Variants in VWDE observed in about 807,000 individuals in gnomAD.
VWDE encodes the protein von Willebrand factor D and EGF domains.
VWDE carries 207 observed loss-of-function variants against 178.4 expected under a neutral mutation model. The ratio of observed to expected loss-of-function variants is 1.16; its 90% CI spans 1.04 to 1.30. The LOEUF is 1.30. Among genes scored for constraint, VWDE ranks in the 50% most tolerant of loss-of-function variants. The pLI is 0.00. For synonymous variants in VWDE, 738 were observed against 651.4 expected (o/e 1.13, Z -2.02); for missense variants, 2,287 against 1,901.3 (o/e 1.20, Z -3.77).
At chr7:12,372,921 T>C in intron 10 of VWDE, 56 bp downstream of exon 10, 1 of 1,479,514 alleles carries the variant, frequency 6.8e-7, no homozygotes, top group Non-Finnish European at 9.1e-7. Context: ...AATAGAGATG[T>C]TTATCTGAAA....
At chr7:12,367,546 A>T (rs532060276) in intron 12 of VWDE, 53 bp from the exon 13 acceptor site, 2 of 1,374,216 alleles carry the variant, frequency 1.5e-6, no homozygotes, top group Middle Eastern at 2.1e-4. Flanking sequence ...TTTCAGAAAA[A>T]AAAACTAATT....
chr7:12,351,847 C>A (rs760005831), intron 18 of VWDE, 134 bp from the exon 19 acceptor site: 27 of 737,592 alleles, frequency 3.7e-5, no homozygotes, highest in Non-Finnish European at 5.1e-5. Context: ...ACTTAAATGT[C>A]ATCTCTTCTG....
chr7:12,403,183 A>T (rs1784992272), intron 1 of VWDE, among the ~76,000 whole-genome samples: 1 of 152,210 alleles, frequency 6.6e-6, no homozygotes. Context: ...CGGATATACA[A>T]AACTTAACTT....
intron 9 of VWDE, 40 bp downstream of exon 9, chr7:12,374,648 GC>G (rs774846311): frequency 2.1e-5 from 29 of 1,357,406 alleles, no homozygotes; most frequent in Middle Eastern, 1.8e-4. Flanking sequence ...CAAAATCAAA[GC>G]AAACAAAACT....
At chr7:12,390,661 A>C (rs191791417) in intron 2 of VWDE, among the ~76,000 whole-genome samples, 21 of 151,966 alleles carry the variant, frequency 1.4e-4, no homozygotes, top group African/African-American at 3.9e-4. Context: ...ACCATGTAAT[A>C]TTATCCATTT....
chr7:12,343,252 C>G, intron 21 of VWDE, 74 bp from the exon 22 acceptor site: 1 of 1,080,906 alleles, frequency 9.3e-7, no homozygotes, highest in Non-Finnish European at 1.3e-6. Context: ...AAAGCACTGT[C>G]ACAATAAAAT....
chr7:12,378,415 T>G (rs918667393), intron 6 of VWDE, among the ~76,000 whole-genome samples: 1 of 152,208 alleles, frequency 6.6e-6, no homozygotes, highest in Non-Finnish European at 1.5e-5. Flanking sequence ...CAGCATCTGA[T>G]TTCCAGAGTT....
intron 4 of VWDE, 63 bp from the exon 5 acceptor site, chr7:12,380,796 A>T: frequency 6.6e-7 from 1 of 1,516,256 alleles, no homozygotes; most frequent in South Asian, 1.3e-5. Flanking sequence ...GCTTATGGAA[A>T]AAGCACTCAA....
chr7:12,396,626 T>G (rs536916612), intron 1 of VWDE, among the ~76,000 whole-genome samples: 1 of 152,146 alleles, frequency 6.6e-6, no homozygotes, highest in Non-Finnish European at 1.5e-5. Flanking sequence ...ATCCATTGTC[T>G]GCCAGATGTG....
intron 2 of VWDE, among the ~76,000 whole-genome samples, chr7:12,392,625 C>T (rs1022457490): frequency 6.6e-6 from 1 of 151,988 alleles, no homozygotes; most frequent in Non-Finnish European, 1.5e-5. Context: ...AGGGACAACC[C>T]AAGAAATCAC....
chr7:12,384,174 A>G (rs1254491663), intron 3 of VWDE, among the ~76,000 whole-genome samples: 1 of 152,180 alleles, frequency 6.6e-6, no homozygotes, highest in Non-Finnish European at 1.5e-5. Flanking sequence ...TCAGCCTTAA[A>G]AAGAATTGAG....
Position 12,356,300 on chromosome 7 carries a change from C to T in VWDE, c.3556G>A (p.Gly1186Ser), listed in dbSNP as rs1350817477. The T allele has an allele frequency of 2.6e-6, 4 of 1,551,184 alleles. No individual in the cohort carries two copies. The highest frequency in any genetic ancestry group is 3.5e-6 in the Non-Finnish European group (4 of 1,146,884). ...VTVKSCDCLNGGSCVSDRNFS... is the reference protein window; with the variant it reads ...VTVKSCDCLNSGSCVSDRNFS... Reference sequence around the variant, plus strand: ...TTCCTATCAGATACACATGATCCACCATTCAAGCAATCACAAGACTTCACA... The same window carrying T: ...TTCCTATCAGATACACATGATCCACTATTCAAGCAATCACAAGACTTCACA... Residue 1186 changes from glycine (G) to serine (S), a missense_variant, in exon 18 of 29, where the codon GGT becomes AGT. Gly to Ser is a moderately conservative substitution (Grantham distance 56, BLOSUM62 0). Transcript: ENST00000275358.
chr7:12,375,029 T>A lies in VWDE; in HGVS notation c.1223A>T (p.Tyr408Phe). 6.4e-7 allele frequency: 1 copy of A among 1,551,240 alleles called. No individual in the cohort carries two copies. Among genetic ancestry groups the A allele is most frequent in the Non-Finnish European group, 8.7e-7 (1 of 1,146,606 alleles). The change falls in exon 8 of 29, where the codon TAC (tyrosine) becomes TTC (phenylalanine). Residue 408 changes from tyrosine to phenylalanine, a missense_variant. Transcript: ENST00000275358. ...IVNEDFLWNN[Y>F]IPDSIQIKVK... The stretch of plus-strand genomic sequence containing the variant: ...GTCAACCTGGATGCTGTCTGGAATG[T>A]AGTTGTTCCACAGGAAATCCTCATT...
chr7:12,334,847 C>A (rs549691641), intron 27 of VWDE, among the ~76,000 whole-genome samples: 2 of 152,240 alleles, frequency 1.3e-5, no homozygotes, highest in Admixed American at 6.5e-5. Context: ...AGAACAAGCA[C>A]CCAAGTTGAG....
chr7:12,336,128 C>G lies in VWDE; in HGVS notation c.4654+13G>C. 6.5e-7 allele frequency: 1 copy of G among 1,547,202 alleles called. No homozygotes were observed. The highest frequency in any genetic ancestry group is 8.7e-7 in the Non-Finnish European group (1 of 1,144,284). On this transcript the variant is annotated intron_variant, in intron 27 of 28. Coordinates refer to ENST00000275358, the MANE Select transcript of VWDE (RefSeq NM_001135924.3). ...TCAGAACATATAGTAGGAAAAACAT[C>G]CTGTGGGCTTACGTATTTGACACCG... is the stretch of plus-strand genomic sequence containing the variant.
chr7:12,367,569 C>A, intron 12 of VWDE, 76 bp from the exon 13 acceptor site: 1 of 1,224,390 alleles, frequency 8.2e-7, no homozygotes, highest in Non-Finnish European at 1.1e-6. Flanking sequence ...TTCCAAGCCC[C>A]AAATTAAAAG....
chr7:12,398,045 C>T (rs928875318), intron 1 of VWDE, among the ~76,000 whole-genome samples: 3 of 152,140 alleles, frequency 2.0e-5, no homozygotes, highest in Non-Finnish European at 4.4e-5. Flanking sequence ...TTCAACCTAG[C>T]AATCCCATTA....
intron 19 of VWDE, among the ~76,000 whole-genome samples, chr7:12,345,665 A>T (rs6972689): frequency 1.3e-5 from 2 of 152,064 alleles, no homozygotes; most frequent in South Asian, 2.1e-4. Flanking sequence ...GGATATCATC[A>T]TTTGCTTTGC....
chr7:12,371,345 C>G (rs1187625739), intron 10 of VWDE, among the ~76,000 whole-genome samples: 2 of 152,078 alleles, frequency 1.3e-5, no homozygotes, highest in Admixed American at 1.3e-4. Context: ...TAAATTATAA[C>G]TAGAAGGTAG....
Sources: allele counts gnomAD v4.1 joint callset (sites outside exome capture counted in the v4.1 genomes callset), GRCh38; gene constraint gnomAD v4.1.1; transcripts MANE v1.5; gene names NCBI Gene and HGNC (gene_info 2026-07-23, HGNC 2026-07-21).